Variants in THRB observed in about 807,000 individuals in gnomAD.
THRB encodes thyroid hormone receptor beta.
A neutral mutation model predicts 47.8 loss-of-function variants in THRB; 12 were observed. The observed-to-expected ratio is 0.25, with a 90% CI of 0.16 to 0.41. The LOEUF (loss-of-function observed/expected upper bound fraction) is 0.41. THRB is among the 10% of genes least tolerant of loss of function. THRB has a pLI of 1.00. For missense variants in THRB, 348 were observed against 589.2 expected (o/e 0.59, Z 4.24); for synonymous variants, 218 against 212.2 (o/e 1.03, Z -0.24).
intron 1 of THRB, among the ~76,000 whole-genome samples, chr3:24,429,587 C>G (rs2070151218): frequency 6.6e-6 from 1 of 152,042 alleles, no homozygotes. Flanking sequence ...ATTATCATCA[C>G]AATTGAATGG....
intron 1 of THRB, among the ~76,000 whole-genome samples, chr3:24,484,282 A>T (rs980488925): frequency 1.3e-5 from 2 of 152,148 alleles, no homozygotes; most frequent in African/African-American, 4.8e-5. Flanking sequence ...TAATGATATA[A>T]TTTACTTTTT....
At chr3:24,323,955 C>T (rs1200988045) in intron 2 of THRB, among the ~76,000 whole-genome samples, 1 of 152,154 alleles carries the variant, frequency 6.6e-6, no homozygotes, top group Non-Finnish European at 1.5e-5. Context: ...TTATAAACCA[C>T]CATAATGTGC....
intron 1 of THRB, among the ~76,000 whole-genome samples, chr3:24,433,231 C>A (rs979761516): frequency 6.6e-6 from 1 of 152,036 alleles, no homozygotes; most frequent in African/African-American, 2.4e-5. Context: ...ATCCCTGGAA[C>A]CTGTGAATAT....
At chr3:24,212,702 C>T (rs577207845) in intron 4 of THRB, among the ~76,000 whole-genome samples, 1 of 151,956 alleles carries the variant, frequency 6.6e-6, no homozygotes, top group East Asian at 1.9e-4. Flanking sequence ...ATTATGCTGA[C>T]ACAGAACACA....
At chr3:24,303,930 G>A (rs1030692590) in intron 2 of THRB, among the ~76,000 whole-genome samples, 1 of 152,100 alleles carries the variant, frequency 6.6e-6, no homozygotes, top group Non-Finnish European at 1.5e-5. Flanking sequence ...TTTAATTCCA[G>A]GAATAAATTT....
At chr3:24,312,633 A>G (rs1476593512) in intron 2 of THRB, among the ~76,000 whole-genome samples, 13 of 152,132 alleles carry the variant, frequency 8.5e-5, no homozygotes, top group Non-Finnish European at 1.8e-4. Context: ...TAATTTTCAC[A>G]TTCTTTTTTT....
intron 6 of THRB, among the ~76,000 whole-genome samples, chr3:24,148,614 A>G (rs533772284): frequency 6.6e-6 from 1 of 152,298 alleles, no homozygotes; most frequent in South Asian, 2.1e-4. Context: ...GGGTCCTCTA[A>G]CTTTGCTAGA....
At chr3:24,267,132 A>G (rs1012000232) in intron 3 of THRB, among the ~76,000 whole-genome samples, 5 of 152,150 alleles carry the variant, frequency 3.3e-5, no homozygotes, top group Non-Finnish European at 7.3e-5. Flanking sequence ...CTGAGAACCA[A>G]AATGCCATAG....
chr3:24,388,994 C>T (rs1223545807), intron 1 of THRB, among the ~76,000 whole-genome samples: 1 of 152,074 alleles, frequency 6.6e-6, no homozygotes, highest in Non-Finnish European at 1.5e-5. Context: ...TAGAAAACTC[C>T]CATCTCTACT....
intron 1 of THRB, among the ~76,000 whole-genome samples, chr3:24,406,331 A>C (rs1210583832): frequency 6.6e-6 from 1 of 151,790 alleles, no homozygotes; most frequent in Non-Finnish European, 1.5e-5. Context: ...TGTTACATTA[A>C]GAGTTTTTAT....
chr3:24,478,187 GT>G (rs1560288136), intron 1 of THRB, among the ~76,000 whole-genome samples: 1 of 152,052 alleles, frequency 6.6e-6, no homozygotes, highest in African/African-American at 2.4e-5. Context: ...ACAATACTGG[GT>G]TTTTGTACTT....
At chr3:24,164,478 A>C (rs565545798) in intron 5 of THRB, among the ~76,000 whole-genome samples, 1 of 152,304 alleles carries the variant, frequency 6.6e-6, no homozygotes, top group South Asian at 2.1e-4. Context: ...TAGATTCTTT[A>C]CTGTTTACAT....
At chr3:24,203,576 T>G (rs2044864674) in intron 4 of THRB, among the ~76,000 whole-genome samples, 1 of 152,150 alleles carries the variant, frequency 6.6e-6, no homozygotes, top group South Asian at 2.1e-4. Flanking sequence ...GCTCCCAGCA[T>G]GAGCGACGCA....
chr3:24,292,681 C>T (rs755816988), intron 3 of THRB, among the ~76,000 whole-genome samples: 2 of 152,054 alleles, frequency 1.3e-5, no homozygotes, highest in Non-Finnish European at 1.5e-5. Context: ...TAAATCTTGT[C>T]GAGTAAAGAA....
chr3:24,389,053 CTG>C (rs1169902272), intron 1 of THRB, among the ~76,000 whole-genome samples: 1 of 152,150 alleles, frequency 6.6e-6, no homozygotes, highest in Non-Finnish European at 1.5e-5. Flanking sequence ...CTGAAGGAGA[CTG>C]TGTGACTATT....
At chr3:24,442,096 G>A (rs982992153) in intron 1 of THRB, among the ~76,000 whole-genome samples, 3 of 152,082 alleles carry the variant, frequency 2.0e-5, no homozygotes, top group Non-Finnish European at 2.9e-5. Flanking sequence ...TGCTTCTAAA[G>A]GCTGGAAAGC....
intron 4 of THRB, among the ~76,000 whole-genome samples, chr3:24,202,505 C>G (rs181679613): frequency 6.6e-6 from 1 of 152,064 alleles, no homozygotes; most frequent in African/African-American, 2.4e-5. Context: ...TATTTATGAC[C>G]GGCTCTGCCT....
intron 1 of THRB, among the ~76,000 whole-genome samples, chr3:24,395,012 G>T (rs1033814821): frequency 1.3e-5 from 2 of 152,080 alleles, no homozygotes; most frequent in African/African-American, 4.8e-5. Flanking sequence ...CATGCCCCAT[G>T]AAGTTTGTCA....
rs539943503 is a variant in THRB at position 24,387,563 on chromosome 3, C to G, written c.-260-50192G>C. On this transcript the variant is annotated intron_variant, in intron 1 of 10. Coordinates refer to ENST00000646209, the MANE Select transcript of THRB (RefSeq NM_001354712.2). ...TCTGCTTATTCATCTGCATTACCAA[C>G]TAAATACCAAACTTCTTGCACGCAG... 5.9e-5 allele frequency among the ~76,000 whole-genome samples: 9 copies of G among 152,298 alleles called. No homozygotes were observed. The South Asian group carries it at 1.7e-3, about 28-fold the overall frequency.
Sources: gnomAD v4.1 joint callset for allele counts (sites outside exome capture counted in the v4.1 genomes callset) on GRCh38, gnomAD v4.1.1 for gene constraint, MANE v1.5 for transcripts, NCBI Gene and HGNC (gene_info 2026-07-23, HGNC 2026-07-21) for gene names.